SCML4: variants seen among roughly 807,000 people sequenced by gnomAD.
SCML4 encodes sex comb on midleg-like protein 4.
In SCML4, 34 loss-of-function variants were observed where a neutral mutation model predicts 41.1. The ratio of observed to expected loss-of-function variants is 0.83; its 90% CI spans 0.63 to 1.10. The LOEUF is 1.10. SCML4 is among the 50% of genes least tolerant of loss of function. SCML4 has a pLI of 0.00. For synonymous variants in SCML4, 214 were observed against 220.9 expected, an observed-to-expected ratio of 0.97 and a Z score of 0.28; for missense variants, 522 against 534.1, an observed-to-expected ratio of 0.98 and a Z score of 0.22.
intron 6 of SCML4, among the ~76,000 whole-genome samples, chr6:107,711,499 A>G (rs1049046206): frequency 1.3e-5 from 2 of 152,240 alleles, no homozygotes; most frequent in African/African-American, 4.8e-5. Context: ...GTAGTAGACT[A>G]TACCATCTAG....
At chr6:107,803,145 C>T (rs942851453) in intron 1 of SCML4, among the ~76,000 whole-genome samples, 2 of 151,228 alleles carry the variant, frequency 1.3e-5, no homozygotes, top group African/African-American at 2.5e-5. Flanking sequence ...GCCGAGATTG[C>T]GCCTTTGCCC....
chr6:107,778,328 T>G (rs559951529), intron 1 of SCML4, among the ~76,000 whole-genome samples: 11 of 147,728 alleles, frequency 7.4e-5, no homozygotes, highest in Admixed American at 2.7e-4. Flanking sequence ...TGCTTTCAAT[T>G]GTGGACTTCA....
At chr6:107,749,866 T>A (rs1778468555) in intron 2 of SCML4, 53 bp from the exon 3 acceptor site, 85 of 1,585,226 alleles carry the variant, frequency 5.4e-5, no homozygotes, top group Non-Finnish European at 7.3e-5. Context: ...CTCTCTACAC[T>A]CTTCCAGATT....
At chr6:107,812,880 T>TAC (rs141469245) in intron 1 of SCML4, among the ~76,000 whole-genome samples, 10,663 of 141,270 alleles carry the variant, frequency 0.075, 446 homozygotes, top group African/African-American at 0.11. Flanking sequence ...CACAGACACA[T>TAC]ACACACACAC....
chr6:107,721,982 C>CTTTTTTTT (rs10649065), intron 5 of SCML4, among the ~76,000 whole-genome samples: 1 of 135,962 alleles, frequency 7.4e-6, no homozygotes, highest in African/African-American at 2.7e-5. Flanking sequence ...ACTTATCATA[C>CTTTTTTTT]TTTTTTTTTT....
At chr6:107,749,613 T>A in intron 3 of SCML4, 71 bp downstream of exon 3, 1 of 1,559,944 alleles carries the variant, frequency 6.4e-7, no homozygotes, top group African/African-American at 1.4e-5. Flanking sequence ...ATCCACAAAG[T>A]AACAATTAGA....
chr6:107,845,006 C>G, the SCML4 span, among the ~76,000 whole-genome samples: 4 of 151,386 alleles, frequency 2.6e-5, no homozygotes, highest in Non-Finnish European at 5.9e-5. Context: ...GAGGCTGAGG[C>G]AGGCAGATCA....
At chr6:107,751,551 A>C (rs900481837) in intron 2 of SCML4, among the ~76,000 whole-genome samples, 3 of 151,442 alleles carry the variant, frequency 2.0e-5, no homozygotes, top group Non-Finnish European at 2.9e-5. Flanking sequence ...AAACAATAGG[A>C]TTTAAACTAA....
chr6:107,810,464 A>T (rs1365847214), intron 1 of SCML4, among the ~76,000 whole-genome samples: 2 of 152,152 alleles, frequency 1.3e-5, no homozygotes, highest in Non-Finnish European at 2.9e-5. Flanking sequence ...CCAGAAAGGA[A>T]GAGATAGGTG....
At chr6:107,778,214 AAAAAAAAAATATATATATATATATAT>A (rs1183923005) in intron 1 of SCML4, among the ~76,000 whole-genome samples, 1 of 6,018 alleles carries the variant, frequency 1.7e-4, no homozygotes, top group East Asian at 0.031. Flanking sequence ...AAAAAAAAAA[AAAAAAAAAATATATATATATATATAT>A]ATATATATAT....
chr6:107,755,617 C>T (rs1478003989), intron 2 of SCML4: 1 of 1,345,068 alleles, frequency 7.4e-7, no homozygotes, highest in Non-Finnish European at 9.9e-7. Flanking sequence ...GCAACCTATC[C>T]AAGCTGTTCT....
At chr6:107,815,606 G>A (rs1401195984) in intron 1 of SCML4, among the ~76,000 whole-genome samples, 1 of 152,186 alleles carries the variant, frequency 6.6e-6, no homozygotes, top group Non-Finnish European at 1.5e-5. Flanking sequence ...GCATTGGAGG[G>A]GTGGCCCAAC....
At chr6:107,790,477 A>C (rs540026326) in intron 1 of SCML4, among the ~76,000 whole-genome samples, 1 of 152,272 alleles carries the variant, frequency 6.6e-6, no homozygotes, top group Non-Finnish European at 1.5e-5. Flanking sequence ...TAGCCAGCAA[A>C]CAGGGGCTTA....
chr6:107,706,325 C>T (rs1773622247), intron 7 of SCML4, among the ~76,000 whole-genome samples: 1 of 152,200 alleles, frequency 6.6e-6, no homozygotes, highest in African/African-American at 2.4e-5. Context: ...CCAGACTCCC[C>T]CTGCCCAAAT....
chr6:107,810,436 A>AG (rs1784073599), intron 1 of SCML4, among the ~76,000 whole-genome samples: 1 of 152,124 alleles, frequency 6.6e-6, no homozygotes, highest in African/African-American at 2.4e-5. Flanking sequence ...AAAGGCAGAG[A>AG]GGGGCGTTGA....
chr6:107,809,720 T>C (rs904588769), intron 1 of SCML4, among the ~76,000 whole-genome samples: 1 of 152,142 alleles, frequency 6.6e-6, no homozygotes, highest in Non-Finnish European at 1.5e-5. Context: ...TTGGAAACGT[T>C]GAGTTCAGGA....
chr6:107,827,561 T>C (rs986915964), upstream of SCML4, among the ~76,000 whole-genome samples: 1 of 152,162 alleles, frequency 6.6e-6, no homozygotes, highest in East Asian at 1.9e-4. Flanking sequence ...TGACTGGTAT[T>C]AGCTGAGGGA....
chr6:107,703,745 G>A lies in SCML4; in HGVS notation c.*1455C>T, dbSNP rs1409343396. 6.6e-6 allele frequency among the ~76,000 whole-genome samples: 1 copy of A among 152,186 alleles called. No homozygotes were observed. Among genetic ancestry groups the A allele is most frequent in the Non-Finnish European group, 1.5e-5 (1 of 68,034 alleles). ...TGCCTTTTCTGATTCACCTTTGGGC[G>A]AAGGGAGGCCCTGAGTCATCCCTAA... On this transcript the variant is annotated 3_prime_UTR_variant, in exon 8 of 8. Transcript: ENST00000369020.
chr6:107,724,576 A>C (rs1348096409), intron 5 of SCML4, among the ~76,000 whole-genome samples: 1 of 152,220 alleles, frequency 6.6e-6, no homozygotes, highest in Non-Finnish European at 1.5e-5. Context: ...ACTTTAACAA[A>C]AGTTCAAACA....
Sources: allele counts gnomAD v4.1 joint callset (sites outside exome capture counted in the v4.1 genomes callset), GRCh38; gene constraint gnomAD v4.1.1; transcripts MANE v1.5; gene names NCBI Gene and HGNC (gene_info 2026-07-23, HGNC 2026-07-21).